The following UNC13C variants were observed in gnomAD, a reference collection of about 807,000 sequenced individuals.
The protein encoded by UNC13C is protein unc-13 homolog C.
Under a neutral mutation model 245.4 loss-of-function variants are expected in UNC13C, and 174 were observed. The observed-to-expected ratio is 0.71, with a 90% CI of 0.63 to 0.80. The LOEUF (loss-of-function observed/expected upper bound fraction) is 0.80. UNC13C is among the 30% of genes least tolerant of loss of function. The pLI is 0.00. For synonymous variants in UNC13C, 992 were observed against 895.1 expected (o/e 1.11, Z -1.93); for missense variants, 2,829 against 2,602.9 (o/e 1.09, Z -1.89).
chr15:54,365,878 C>T (rs375754870), intron 17 of UNC13C, among the ~76,000 whole-genome samples: 81 of 152,028 alleles, frequency 5.3e-4, no homozygotes, highest in Non-Finnish European at 7.5e-4. Context: ...GACTGCTTAT[C>T]TTAGTTGTAA....
intron 2 of UNC13C, among the ~76,000 whole-genome samples, chr15:54,024,006 A>G (rs1595729461): frequency 1.3e-5 from 2 of 152,232 alleles, no homozygotes; most frequent in East Asian, 1.9e-4. Context: ...GCTGTGTGGA[A>G]TAAGATAAAC....
At chr15:54,160,633 G>T (rs551136406) in intron 4 of UNC13C, among the ~76,000 whole-genome samples, 12 of 152,160 alleles carry the variant, frequency 7.9e-5, no homozygotes, top group African/African-American at 2.9e-4. Context: ...CTGTTCAAAA[G>T]TATAGCTGTG....
At chr15:54,072,471 A>G (rs1263382886) in intron 2 of UNC13C, among the ~76,000 whole-genome samples, 1 of 152,170 alleles carries the variant, frequency 6.6e-6, no homozygotes, top group Non-Finnish European at 1.5e-5. Context: ...GAGCCAATAG[A>G]GCATGAAGAG....
intron 24 of UNC13C, among the ~76,000 whole-genome samples, chr15:54,523,023 A>C (rs925319424): frequency 2.0e-5 from 3 of 152,186 alleles, no homozygotes; most frequent in Admixed American, 1.3e-4. Flanking sequence ...AAAATATTAG[A>C]TTGCCTTTTA....
At chr15:54,120,698 C>A (rs983463188) in intron 2 of UNC13C, among the ~76,000 whole-genome samples, 1 of 151,852 alleles carries the variant, frequency 6.6e-6, no homozygotes, top group African/African-American at 2.4e-5. Context: ...TTCTAGATGT[C>A]ATTAAGGCCA....
chr15:54,426,141 A>T (rs992063362), intron 19 of UNC13C, among the ~76,000 whole-genome samples: 3 of 151,674 alleles, frequency 2.0e-5, no homozygotes, highest in African/African-American at 4.8e-5. Flanking sequence ...TAGCAAACTT[A>T]ATTCCAGCTG....
At chr15:54,275,136 A>T (rs1483360414) in intron 10 of UNC13C, among the ~76,000 whole-genome samples, 1 of 152,188 alleles carries the variant, frequency 6.6e-6, no homozygotes, top group African/African-American at 2.4e-5. Context: ...AAAGGCAGAG[A>T]TTGTCAGATT....
the UNC13C span, among the ~76,000 whole-genome samples, chr15:53,906,050 T>C: frequency 6.6e-6 from 1 of 152,102 alleles, no homozygotes; most frequent in Non-Finnish European, 1.5e-5. Flanking sequence ...GTCTCTGCAA[T>C]AGGCTTGGCA....
At chr15:54,306,637 A>G (rs919280976) in intron 13 of UNC13C, among the ~76,000 whole-genome samples, 2 of 152,002 alleles carry the variant, frequency 1.3e-5, no homozygotes, top group African/African-American at 4.8e-5. Flanking sequence ...TATTTCTGTC[A>G]AGAAAATACA....
At chr15:54,502,346 GAGAC>G (rs1401232359) in intron 22 of UNC13C, among the ~76,000 whole-genome samples, 12 of 152,270 alleles carry the variant, frequency 7.9e-5, no homozygotes, top group Middle Eastern at 3.4e-3. Flanking sequence ...TAAAGAAGCA[GAGAC>G]AGACAGAGAG....
At chr15:54,002,836 T>C (rs1395128847) in intron 1 of UNC13C, among the ~76,000 whole-genome samples, 1 of 152,194 alleles carries the variant, frequency 6.6e-6, no homozygotes, top group African/African-American at 2.4e-5. Flanking sequence ...TATCAAAGAA[T>C]GTTGGGCACA....
At chr15:54,537,858 A>G (rs538404791) in intron 26 of UNC13C, among the ~76,000 whole-genome samples, 15 of 152,116 alleles carry the variant, frequency 9.9e-5, no homozygotes, top group Non-Finnish European at 2.2e-4. Flanking sequence ...TAAAGATTTA[A>G]ATGTAAAACC....
chr15:54,191,419 A>G (rs572577657), intron 4 of UNC13C, among the ~76,000 whole-genome samples: 10 of 152,254 alleles, frequency 6.6e-5, no homozygotes, highest in Admixed American at 2.0e-4. Context: ...CAGGGTGTAT[A>G]TGTGCCACAT....
intron 2 of UNC13C, among the ~76,000 whole-genome samples, chr15:54,133,441 ATTGT>A (rs1343389760): frequency 1.3e-5 from 2 of 152,146 alleles, no homozygotes; most frequent in Non-Finnish European, 2.9e-5. Flanking sequence ...TTTATTTTAA[ATTGT>A]TTGTGGAATT....
intron 2 of UNC13C, among the ~76,000 whole-genome samples, chr15:54,032,112 T>C (rs1371404533): frequency 3.9e-5 from 6 of 152,200 alleles, no homozygotes; most frequent in African/African-American, 1.4e-4. Flanking sequence ...ATATATGTAC[T>C]TTGCAGTTCA....
chr15:54,147,951 G>A (rs1483719271), intron 4 of UNC13C, among the ~76,000 whole-genome samples: 1 of 152,136 alleles, frequency 6.6e-6, no homozygotes, highest in East Asian at 1.9e-4. Context: ...AGTCATTGAA[G>A]TTCTTCTCTG....
chr15:54,468,291 A>C (rs1035463887), intron 19 of UNC13C, among the ~76,000 whole-genome samples: 3 of 151,604 alleles, frequency 2.0e-5, no homozygotes, highest in Non-Finnish European at 4.4e-5. Context: ...CCTGTTTTTA[A>C]ATAGGGTTGT....
intron 18 of UNC13C, 79 bp downstream of exon 18, chr15:54,393,260 C>T (rs1490966547): frequency 1.6e-6 from 2 of 1,228,668 alleles, no homozygotes; most frequent in Non-Finnish European, 2.1e-6. Flanking sequence ...GCAACATATA[C>T]TGACGACAAT....
At chr15:54,489,271 A>G (rs548721248) in intron 19 of UNC13C, among the ~76,000 whole-genome samples, 96 of 152,340 alleles carry the variant, frequency 6.3e-4, no homozygotes, top group African/African-American at 2.3e-3. Context: ...CAAGGATGAC[A>G]GGAAGGTAAA....
Sources: allele counts gnomAD v4.1 joint callset (sites outside exome capture counted in the v4.1 genomes callset), GRCh38; gene constraint gnomAD v4.1.1; transcripts MANE v1.5; gene names NCBI Gene and HGNC (gene_info 2026-07-23, HGNC 2026-07-21).